Variants in HTR2C observed in about 807,000 individuals in gnomAD.
The protein encoded by HTR2C is 5-hydroxytryptamine (serotonin) receptor 2C, G protein-coupled.
A neutral mutation model predicts 21.0 loss-of-function variants in HTR2C; 5 were observed. The observed-to-expected ratio is 0.24, with a 90% confidence interval of 0.12 to 0.50. The LOEUF is 0.50. Among genes scored for constraint, HTR2C ranks in the 20% least tolerant of loss-of-function variants. HTR2C has a pLI of 0.98. For synonymous variants in HTR2C, 150 were observed against 145.3 expected (o/e 1.03, Z -0.23); for missense variants, 271 against 371.2 (o/e 0.73, Z 2.22).
At chrX:114,709,986 G>A (rs1354745009) in intron 2 of HTR2C, among the ~76,000 whole-genome samples, 1 of 111,726 alleles carries the variant, frequency 9.0e-6, no homozygotes, top group East Asian at 2.8e-4. Flanking sequence ...GACTCTTCGG[G>A]CTTTTTGCTA....
At chrX:114,828,924 G>C (rs2070698942) in intron 4 of HTR2C, among the ~76,000 whole-genome samples, 1 of 112,016 alleles carries the variant, frequency 8.9e-6, no homozygotes, top group Non-Finnish European at 1.9e-5. Flanking sequence ...TTTTATGGTT[G>C]AATAATACTC....
At chrX:114,815,820 A>G (rs1183351866) in intron 4 of HTR2C, among the ~76,000 whole-genome samples, 1 of 111,517 alleles carries the variant, frequency 9.0e-6, no homozygotes, top group East Asian at 2.8e-4. Context: ...AGAATTTGCC[A>G]AAGATTAAGA....
At chrX:114,595,641 A>G (rs1002801389) in intron 1 of HTR2C, among the ~76,000 whole-genome samples, 3 of 111,098 alleles carry the variant, frequency 2.7e-5, no homozygotes, top group Non-Finnish European at 5.6e-5. Flanking sequence ...AGATATAGAT[A>G]TGTGTATGTA....
At chrX:114,705,584 A>G (rs1556417874) in intron 2 of HTR2C, among the ~76,000 whole-genome samples, 1 of 107,567 alleles carries the variant, frequency 9.3e-6, no homozygotes, top group African/African-American at 3.4e-5. Context: ...CTTAAAGGTT[A>G]GACCTAAAAC....
At chrX:114,769,484 A>G (rs1384985658) in intron 4 of HTR2C, among the ~76,000 whole-genome samples, 1 of 111,067 alleles carries the variant, frequency 9.0e-6, no homozygotes, top group Non-Finnish European at 1.9e-5. Context: ...TAAATCTTAT[A>G]CCATAAAATT....
At chrX:114,815,378 C>T (rs1556454148) in intron 4 of HTR2C, among the ~76,000 whole-genome samples, 1 of 111,451 alleles carries the variant, frequency 9.0e-6, no homozygotes, top group African/African-American at 3.3e-5. Flanking sequence ...CTTCAAGTAA[C>T]AGAGTATGTA....
At chrX:114,863,130 T>C (rs2071018960) in intron 5 of HTR2C, among the ~76,000 whole-genome samples, 1 of 112,086 alleles carries the variant, frequency 8.9e-6, no homozygotes, top group African/African-American at 3.2e-5. Flanking sequence ...TTGGCTATTA[T>C]AAATAATGCT....
At chrX:114,840,630 A>T (rs1007713266) in intron 4 of HTR2C, among the ~76,000 whole-genome samples, 24 of 111,467 alleles carry the variant, frequency 2.2e-4, no homozygotes, top group South Asian at 3.8e-4. Context: ...GGACTGAAAA[A>T]TTTTCAAATT....
At chrX:114,791,246 T>A (rs1421995161) in intron 4 of HTR2C, among the ~76,000 whole-genome samples, 2 of 112,541 alleles carry the variant, frequency 1.8e-5, no homozygotes, top group African/African-American at 6.4e-5. Context: ...ACATTTATCA[T>A]GTTCTGGTAC....
intron 4 of HTR2C, among the ~76,000 whole-genome samples, chrX:114,758,441 A>G (rs925456069): frequency 9.1e-6 from 1 of 110,184 alleles, no homozygotes; most frequent in Non-Finnish European, 1.9e-5. Flanking sequence ...GCATGCCAGT[A>G]GTCCCAGCTA....
chrX:114,837,071 G>A lies in HTR2C; in HGVS notation c.350-10932G>A, dbSNP rs782709324. Among the ~76,000 whole-genome samples, 284 of 111,747 alleles carry A rather than the reference G, an allele frequency of 2.5e-3. 1 individual carries two copies. Among genetic ancestry groups the A allele is most frequent in the African/African-American group, 8.8e-3 (272 of 30,864 alleles). The stretch of plus-strand genomic sequence containing the variant: ...AAGAAAGTTAGAATCTTAGTTTGCT[G>A]AAATTTATTCAACTTGAACTACGTT... On this transcript the variant is annotated intron_variant, in intron 4 of 5. Coordinates refer to ENST00000276198, the MANE Select transcript of HTR2C (RefSeq NM_000868.4).
At chrX:114,867,710 A>G (rs1286915424) in intron 5 of HTR2C, among the ~76,000 whole-genome samples, 1 of 111,948 alleles carries the variant, frequency 8.9e-6, no homozygotes, top group Non-Finnish European at 1.9e-5. Flanking sequence ...GTCTAGTTCT[A>G]TTATTCTGCA....
intron 2 of HTR2C, among the ~76,000 whole-genome samples, chrX:114,631,541 C>A (rs1929627868): frequency 9.0e-6 from 1 of 111,323 alleles, no homozygotes; most frequent in African/African-American, 3.3e-5. Flanking sequence ...AATTTCTGGG[C>A]AATTTGCTCA....
chrX:114,630,921 A>G (rs1556404162), intron 2 of HTR2C: 1 of 354,976 alleles, frequency 2.8e-6, no homozygotes, highest in South Asian at 2.6e-5. Context: ...AGCTGGGTAC[A>G]TATCTCCTGG....
chrX:114,797,818 G>T (rs2070308059), intron 4 of HTR2C, among the ~76,000 whole-genome samples: 1 of 111,937 alleles, frequency 8.9e-6, no homozygotes, highest in African/African-American at 3.2e-5. Context: ...ATATGAAAAA[G>T]AATAATTCCT....
intron 2 of HTR2C, among the ~76,000 whole-genome samples, chrX:114,673,873 CTAT>C (rs1455110799): frequency 9.0e-6 from 1 of 111,475 alleles, no homozygotes; most frequent in East Asian, 2.8e-4. Flanking sequence ...AATTCTACTT[CTAT>C]AACTAAAATC....
At chrX:114,724,805 G>T (rs1933383880) in intron 2 of HTR2C, among the ~76,000 whole-genome samples, 1 of 101,810 alleles carries the variant, frequency 9.8e-6, no homozygotes, top group Non-Finnish European at 2.0e-5. Flanking sequence ...GAAATTCTGG[G>T]TTGAAAATTC....
intron 2 of HTR2C, among the ~76,000 whole-genome samples, chrX:114,657,930 T>C (rs1200777113): frequency 9.0e-6 from 1 of 111,084 alleles, no homozygotes; most frequent in Non-Finnish European, 1.9e-5. Context: ...TGGGAGGCAG[T>C]CAGTCATGTC....
At chrX:114,795,128 T>G (rs1408355950) in intron 4 of HTR2C, among the ~76,000 whole-genome samples, 1 of 111,533 alleles carries the variant, frequency 9.0e-6, no homozygotes, top group Non-Finnish European at 1.9e-5. Flanking sequence ...TGATGGCCAG[T>G]GATGATGAGC....
Sources: allele counts gnomAD v4.1 joint callset (sites outside exome capture counted in the v4.1 genomes callset), GRCh38; gene constraint gnomAD v4.1.1; transcripts MANE v1.5; gene names NCBI Gene and HGNC (gene_info 2026-07-23, HGNC 2026-07-21).